Variants in FAM184A observed in about 807,000 individuals in gnomAD.
The protein encoded by FAM184A is family with sequence similarity 184 member A, also known as protein FAM184A.
Under a neutral mutation model 143.8 loss-of-function variants are expected in FAM184A, and 99 were observed. The ratio of observed to expected loss-of-function variants is 0.69; its 90% CI spans 0.58 to 0.81. The LOEUF (loss-of-function observed/expected upper bound fraction) is 0.81. Ranked by LOEUF, FAM184A falls within the 40% of genes least tolerant of loss-of-function variation. The pLI is 0.00. For synonymous variants in FAM184A, 427 were observed against 446.4 expected (o/e 0.96, Z 0.55); for missense variants, 1,217 against 1,310.5 (o/e 0.93, Z 1.10).
At chr6:118,965,673 C>T (rs754776198) in intron 15 of FAM184A, among the ~76,000 whole-genome samples, 2 of 152,220 alleles carry the variant, frequency 1.3e-5, no homozygotes, top group African/African-American at 4.8e-5. Flanking sequence ...TCACAGTCCA[C>T]GGAATCAGGC....
At chr6:119,068,806 T>C (rs981259327) in intron 1 of FAM184A, among the ~76,000 whole-genome samples, 1 of 151,996 alleles carries the variant, frequency 6.6e-6, no homozygotes, top group African/African-American at 2.4e-5. Context: ...AACCAGAATA[T>C]GTCAACTGAG....
intron 9 of FAM184A, among the ~76,000 whole-genome samples, chr6:118,985,207 A>G (rs1262838445): frequency 1.3e-5 from 2 of 152,238 alleles, no homozygotes; most frequent in Admixed American, 1.3e-4. Context: ...TACAAAAGTT[A>G]CAAAGGCTCC....
intron 1 of FAM184A, among the ~76,000 whole-genome samples, chr6:119,127,498 CTG>C (rs1789403161): frequency 6.6e-6 from 1 of 152,198 alleles, no homozygotes; most frequent in Admixed American, 6.5e-5. Flanking sequence ...TCCTGGGTAA[CTG>C]TCAATGCTGG....
intron 14 of FAM184A, among the ~76,000 whole-genome samples, chr6:118,969,087 A>T (rs1268756257): frequency 1.3e-5 from 2 of 152,144 alleles, no homozygotes; most frequent in Non-Finnish European, 2.9e-5. Flanking sequence ...TTCTCAAAAG[A>T]TCTGATGGTT....
intron 1 of FAM184A, among the ~76,000 whole-genome samples, chr6:119,119,845 C>A (rs7759325): frequency 0.91 from 138,954 of 152,158 alleles, 63,506 homozygotes; most frequent in East Asian, 1. Context: ...AATAAAAATT[C>A]GTAGGGCATG....
At chr6:118,979,879 CA>C (rs57478039) in intron 10 of FAM184A, among the ~76,000 whole-genome samples, 94 of 141,166 alleles carry the variant, frequency 6.7e-4, no homozygotes, top group African/African-American at 1.3e-3. Context: ...CCTGTTTCTA[CA>C]AAAAAAAAAA....
intron 9 of FAM184A, among the ~76,000 whole-genome samples, chr6:118,983,626 T>C (rs572128715): frequency 1.3e-5 from 2 of 152,288 alleles, no homozygotes; most frequent in East Asian, 1.9e-4. Flanking sequence ...AATAATTTAA[T>C]CTTTAGTTTT....
Position 119,071,860 on chromosome 6 carries a change from C to CTTT in FAM184A, c.159+6278_159+6280dup, listed in dbSNP as rs35786966. On this transcript the variant is annotated intron_variant, in intron 1 of 17. Transcript: ENST00000338891. ...ACAGTCTAAAGTCTAAACCTTTAATCTTTTTTTTTTTTTTTTTTTTTTTGA... is the reference window on the plus strand; with the variant it reads ...ACAGTCTAAAGTCTAAACCTTTAATCTTTTTTTTTTTTTTTTTTTTTTTTTTGA... 5.0e-3 allele frequency among the ~76,000 whole-genome samples: 467 copies of CTTT among 94,094 alleles called. 2 individuals carry two copies. The highest frequency in any genetic ancestry group is 7.4e-3 in the East Asian group (20 of 2,692). The allele number at this position is 94,094 out of a possible 152,430, so 61.7% of individuals were successfully genotyped here. A position where few individuals can be genotyped will look rare whatever the true frequency, so the allele number is the denominator to read the frequency against.
chr6:119,116,389 C>T (rs1012876815), intron 1 of FAM184A, among the ~76,000 whole-genome samples: 6 of 152,066 alleles, frequency 3.9e-5, no homozygotes, highest in Admixed American at 1.3e-4. Context: ...CTAAAGGACC[C>T]CATGTTGGGT....
At chr6:119,088,370 A>G (rs1157988751) in intron 1 of FAM184A, among the ~76,000 whole-genome samples, 4 of 152,242 alleles carry the variant, frequency 2.6e-5, no homozygotes, top group Non-Finnish European at 4.4e-5. Flanking sequence ...ATAAACATTT[A>G]TTCACTGCTT....
rs138841453 is a variant in FAM184A, at chr6:118,959,971, C to T, written c.*132G>A. 3 of 587,272 alleles carry T rather than the reference C, an allele frequency of 5.1e-6. No homozygotes were observed. Among genetic ancestry groups the T allele is most frequent in the South Asian group, 2.7e-5 (1 of 37,334 alleles). The allele number at this position is 587,272 out of a possible 1,614,324, so 36.4% of individuals were successfully genotyped here. A position where few individuals can be genotyped will look rare whatever the true frequency, so the allele number is the denominator to read the frequency against. Reference sequence around the variant, plus strand: ...AATAAATATCACAGGAAATACAGTGCATTTTCAAGTTGGAGAGACAAATAC... The same window carrying T: ...AATAAATATCACAGGAAATACAGTGTATTTTCAAGTTGGAGAGACAAATAC... On this transcript the variant is annotated 3_prime_UTR_variant, in exon 18 of 18. Transcript: ENST00000338891.
intron 1 of FAM184A, among the ~76,000 whole-genome samples, chr6:119,121,087 G>T (rs531348408): frequency 6.6e-6 from 1 of 151,422 alleles, no homozygotes; most frequent in Admixed American, 6.6e-5. Context: ...TGGGATTATA[G>T]GTGTGAGCCA....
chr6:119,011,278 A>G, intron 6 of FAM184A, 31 bp downstream of exon 6: 2 of 1,583,734 alleles, frequency 1.3e-6, no homozygotes, highest in South Asian at 1.2e-5. Context: ...TAAAATCTAT[A>G]ACATAGGCAA....
intron 9 of FAM184A, among the ~76,000 whole-genome samples, chr6:118,994,681 ATC>A (rs1784486860): frequency 7.7e-6 from 1 of 129,214 alleles, no homozygotes; most frequent in African/African-American, 2.8e-5. Flanking sequence ...GCGAGACTCC[ATC>A]TCTAAATAAA....
At chr6:119,071,004 A>G (rs1787666572) in intron 1 of FAM184A, among the ~76,000 whole-genome samples, 1 of 152,110 alleles carries the variant, frequency 6.6e-6, no homozygotes, top group South Asian at 2.1e-4. Flanking sequence ...TTTCTTCCAC[A>G]AACTAATTAG....
chr6:119,004,342 C>T (rs1784858577), intron 7 of FAM184A, among the ~76,000 whole-genome samples: 1 of 152,160 alleles, frequency 6.6e-6, no homozygotes, highest in African/African-American at 2.4e-5. Flanking sequence ...CTAGATCATC[C>T]ACTTGCTAAT....
rs1197037095 is a variant in FAM184A at position 119,020,045 on chromosome 6, G to T, written c.1265C>A (p.Ala422Asp). ...ERLSQLEEER[A>D]FLRSKTQSLD... is the part of the protein sequence containing the mutation. ...ACTTTGGGTTTTGCTTCGCAAAAAA[G>T]CTCTTTCCTCTTCAAGTTGAGATAA... The change falls in exon 4 of 18, where the codon GCT (alanine) becomes GAT (aspartate). Residue 422 changes from alanine to aspartate, a missense_variant. Ala to Asp is a moderately radical substitution (Grantham distance 126, BLOSUM62 -2). Coordinates refer to ENST00000338891, the MANE Select transcript of FAM184A (RefSeq NM_024581.6). 1 of 1,606,336 alleles carries T rather than the reference G, an allele frequency of 6.2e-7. No homozygotes were observed. Among genetic ancestry groups the T allele is most frequent in the Non-Finnish European group, 8.5e-7 (1 of 1,177,620 alleles).
Position 118,980,263 on chromosome 6 carries a change from G to C in FAM184A, c.2176C>G (p.Arg726Gly). Residue 726 changes from arginine to glycine, a missense_variant, in exon 10 of 18, where the codon CGA becomes GGA. Coordinates refer to ENST00000338891, the MANE Select transcript of FAM184A (RefSeq NM_024581.6). ...QQLQAQFTQE[R>G]QRLTQELEEL... ...TCAAGCTCTTGCGTAAGCCGCTGTC[G>C]TTCTTGCGTAAACTGGGCTTGCAGT... is the stretch of plus-strand genomic sequence containing the variant. 2 of 1,614,072 alleles carry C rather than the reference G, an allele frequency of 1.2e-6. No homozygotes were observed. Among genetic ancestry groups the C allele is most frequent in the Non-Finnish European group, 1.7e-6 (2 of 1,179,990 alleles).
At chr6:119,051,782 G>A (rs1355067563) in intron 1 of FAM184A, among the ~76,000 whole-genome samples, 6 of 152,114 alleles carry the variant, frequency 3.9e-5, no homozygotes, top group Admixed American at 1.3e-4. Context: ...TTGTCTGATC[G>A]CAGGACTCAA....
Sources: gnomAD v4.1 joint callset for allele counts (sites outside exome capture counted in the v4.1 genomes callset) on GRCh38, gnomAD v4.1.1 for gene constraint, MANE v1.5 for transcripts, NCBI Gene and HGNC (gene_info 2026-07-23, HGNC 2026-07-21) for gene names.